Variants in CLVS2 observed in about 807,000 individuals in gnomAD.
CLVS2 encodes the protein clavesin-2.
A neutral mutation model predicts 29.0 loss-of-function variants in CLVS2; 19 were observed. The ratio of observed to expected loss-of-function variants is 0.66; its 90% CI spans 0.46 to 0.96. CLVS2 has a LOEUF of 0.96. Among genes scored for constraint, CLVS2 ranks in the 40% least tolerant of loss-of-function variants. The probability of loss-of-function intolerance (pLI) is 0.00; values close to 1 mark genes in which losing one functional copy is unlikely to be tolerated. For missense variants in CLVS2, 294 were observed against 404.1 expected (o/e 0.73, Z 2.34); for synonymous variants, 161 against 151.3 (o/e 1.06, Z -0.47).
chr6:123,024,320 C>A (rs1774967532), intron 3 of CLVS2, among the ~76,000 whole-genome samples: 1 of 152,106 alleles, frequency 6.6e-6, no homozygotes, highest in Non-Finnish European at 1.5e-5. Flanking sequence ...TCCTAGGACA[C>A]AAAACTTGAG....
chr6:123,034,002 A>C (rs1192379295), intron 3 of CLVS2, among the ~76,000 whole-genome samples: 1 of 152,116 alleles, frequency 6.6e-6, no homozygotes, highest in East Asian at 1.9e-4. Flanking sequence ...AATTAAAACC[A>C]CAGTGAGATA....
At chr6:123,021,378 C>G (rs532486161) in intron 3 of CLVS2, among the ~76,000 whole-genome samples, 13 of 151,868 alleles carry the variant, frequency 8.6e-5, no homozygotes, top group African/African-American at 2.2e-4. Context: ...AGCACGCAAC[C>G]GGGAGGGGAT....
rs540610750 is a variant in CLVS2, at chr6:123,008,702, G to C, written c.390-2283G>C. On this transcript the variant is annotated intron_variant, in intron 2 of 5. Transcript: ENST00000275162. ...AATTAAAACTTTTTTTTTTTGGTGG[G>C]GGTCTGAATTTCAACCAGAAATACA... 1.4e-3 allele frequency among the ~76,000 whole-genome samples: 208 copies of C among 150,744 alleles called. 2 individuals carry two copies. The highest frequency in any genetic ancestry group is 2.5e-3 in the Non-Finnish European group (170 of 67,674).
chr6:123,027,554 C>G (rs1744006772), intron 3 of CLVS2, among the ~76,000 whole-genome samples: 1 of 152,092 alleles, frequency 6.6e-6, no homozygotes, highest in Non-Finnish European at 1.5e-5. Flanking sequence ...TTTAGCCTGC[C>G]CCTGTTCAGT....
intron 3 of CLVS2, among the ~76,000 whole-genome samples, chr6:123,032,137 T>C (rs1452800675): frequency 6.6e-6 from 1 of 152,076 alleles, no homozygotes; most frequent in East Asian, 1.9e-4. Flanking sequence ...AAACCTACAG[T>C]TTCTTGTTTA....
At chr6:123,059,299 C>A (rs966949374) in intron 5 of CLVS2, among the ~76,000 whole-genome samples, 1 of 152,132 alleles carries the variant, frequency 6.6e-6, no homozygotes, top group African/African-American at 2.4e-5. Flanking sequence ...TTATTTTATT[C>A]TCTTCATAAC....
At chr6:123,052,658 A>G (rs770225580) in intron 4 of CLVS2, among the ~76,000 whole-genome samples, 1 of 152,178 alleles carries the variant, frequency 6.6e-6, no homozygotes, top group Non-Finnish European at 1.5e-5. Flanking sequence ...GATAGCACCA[A>G]AAAGATTTAC....
intron 3 of CLVS2, among the ~76,000 whole-genome samples, chr6:123,025,274 A>G (rs1774985610): frequency 6.6e-6 from 1 of 152,138 alleles, no homozygotes; most frequent in Admixed American, 6.6e-5. Context: ...GGGAGTGAAT[A>G]GGTGCAAAAA....
intron 5 of CLVS2, among the ~76,000 whole-genome samples, chr6:123,061,362 C>T (rs1772776327): frequency 1.3e-5 from 2 of 151,778 alleles, no homozygotes; most frequent in South Asian, 4.2e-4. Context: ...ATGATAGCTC[C>T]CTCTGCTGTG....
intron 3 of CLVS2, among the ~76,000 whole-genome samples, chr6:123,021,031 T>C (rs570595899): frequency 1.4e-5 from 2 of 146,568 alleles, no homozygotes; most frequent in South Asian, 4.6e-4. Context: ...TTTGTCATTG[T>C]TCACTTATCT....
intron 3 of CLVS2, among the ~76,000 whole-genome samples, chr6:123,032,168 T>C (rs1471927948): frequency 1.3e-5 from 2 of 152,098 alleles, no homozygotes; most frequent in East Asian, 1.9e-4. Flanking sequence ...ATTTTCCCCT[T>C]AGTTTTTGCA....
intron 3 of CLVS2, among the ~76,000 whole-genome samples, chr6:123,012,723 A>T (rs1774768000): frequency 1.3e-5 from 2 of 151,984 alleles, no homozygotes; most frequent in African/African-American, 4.8e-5. Context: ...TGTCTAGTGA[A>T]GGAAATAATC....
chr6:123,070,146 C>T lies in CLVS2; in HGVS notation c.*6385C>T, dbSNP rs1329183499. 2.6e-5 allele frequency: 4 copies of T among 151,822 alleles called. No homozygotes were observed. Among genetic ancestry groups the T allele is most frequent in the Admixed American group, 6.6e-5 (1 of 15,186 alleles). 9.4% of individuals were successfully genotyped at this position (151,822 alleles called of 1,614,324 possible). A position where few individuals can be genotyped will look rare whatever the true frequency, so the allele number is the denominator to read the frequency against. On this transcript the variant is annotated 3_prime_UTR_variant, in exon 6 of 6. Coordinates refer to ENST00000275162, the MANE Select transcript of CLVS2 (RefSeq NM_001010852.4). ...GGAAGACTAGTAATATCCCTTACTCCTCATTCATATAGCTAACAATTTTAA... is the reference window on the plus strand; with the variant it reads ...GGAAGACTAGTAATATCCCTTACTCTTCATTCATATAGCTAACAATTTTAA...
At chr6:123,020,824 C>T (rs920501169) in intron 3 of CLVS2, among the ~76,000 whole-genome samples, 1 of 151,978 alleles carries the variant, frequency 6.6e-6, no homozygotes, top group Non-Finnish European at 1.5e-5. Context: ...CAACTTTCCT[C>T]TTGGGAATAT....
At chr6:123,051,242 C>T (rs1224000988) in intron 4 of CLVS2, among the ~76,000 whole-genome samples, 2 of 152,022 alleles carry the variant, frequency 1.3e-5, no homozygotes, top group African/African-American at 4.8e-5. Flanking sequence ...CAAGAATCAC[C>T]TGCTTCATTT....
rs146670749 is a variant in CLVS2 at position 123,052,366 on chromosome 6, TAGA to T, written c.676-3437_676-3435del. Among the ~76,000 whole-genome samples the T allele has an allele frequency of 1.3e-3, 197 of 152,242 alleles. 2 individuals carry two copies. The highest frequency in any genetic ancestry group is 4.5e-3 in the African/African-American group (185 of 41,536). On this transcript the variant is annotated intron_variant, in intron 4 of 5. Coordinates refer to ENST00000275162, the MANE Select transcript of CLVS2 (RefSeq NM_001010852.4). ...TTATAAATGTTCTGAGGCAAGTGCA[TAGA>T]AGGAGATGGGTTCAAAGAAGTAATT... is the stretch of plus-strand genomic sequence containing the variant.
chr6:123,055,721 T>A, intron 4 of CLVS2, 85 bp from the exon 5 acceptor site: 1 of 939,208 alleles, frequency 1.1e-6, no homozygotes, highest in Non-Finnish European at 1.7e-6. Flanking sequence ...TTGCTATTGC[T>A]ATCCTCACAT....
chr6:123,029,182 A>T (rs996701769), intron 3 of CLVS2, among the ~76,000 whole-genome samples: 26 of 152,316 alleles, frequency 1.7e-4, no homozygotes, highest in African/African-American at 6.0e-4. Context: ...TATTCTTGTT[A>T]TAATTTTTCA....
chr6:123,012,320 T>G, intron 3 of CLVS2, among the ~76,000 whole-genome samples: 1 of 151,972 alleles, frequency 6.6e-6, no homozygotes, highest in East Asian at 1.9e-4. Context: ...GTATATGGTG[T>G]TCTTCAGTTT....
Sources: allele counts gnomAD v4.1 joint callset (sites outside exome capture counted in the v4.1 genomes callset), GRCh38; gene constraint gnomAD v4.1.1; transcripts MANE v1.5; gene names NCBI Gene and HGNC (gene_info 2026-07-23, HGNC 2026-07-21).